Variants in CD276 observed in about 807,000 individuals in gnomAD.
CD276 encodes CD276 antigen.
CD276 carries 34 observed loss-of-function variants against 50.0 expected under a neutral mutation model. That is an observed-to-expected ratio of 0.68 (90% CI 0.52 to 0.91). CD276 has a LOEUF of 0.91. Among genes scored for constraint, CD276 ranks in the 40% least tolerant of loss-of-function variants. The pLI is 0.00. For missense variants in CD276, 634 were observed against 717.5 expected (o/e 0.88, Z 1.33); for synonymous variants, 275 against 313.0 (o/e 0.88, Z 1.28).
chr15:73,707,324 G>C (rs908762123), intron 6 of CD276, among the ~76,000 whole-genome samples: 2 of 152,346 alleles, frequency 1.3e-5, no homozygotes, highest in Admixed American at 1.3e-4. Flanking sequence ...CTGGGTGCAG[G>C]GGCTGGGCTA....
At chr15:73,694,135 C>G (rs966604581) in intron 1 of CD276, among the ~76,000 whole-genome samples, 1 of 152,162 alleles carries the variant, frequency 6.6e-6, no homozygotes, top group African/African-American at 2.4e-5. Flanking sequence ...TCAGTAGGAA[C>G]TGATCTTCCC....
intron 2 of CD276, 25 bp from the exon 3 acceptor site, chr15:73,702,230 T>A: frequency 2.6e-6 from 4 of 1,562,006 alleles, no homozygotes; most frequent in Non-Finnish European, 3.5e-6. Flanking sequence ...CCCCCTTATA[T>A]GTTCTCCACT....
Position 73,702,241 on chromosome 15 carries a change from C to T in CD276, c.80-14C>T. The T allele has an allele frequency of 6.3e-7, 1 of 1,590,234 alleles. No individual in the cohort carries two copies. Among genetic ancestry groups the T allele is most frequent in the South Asian group, 1.1e-5 (1 of 87,830 alleles). On this transcript the variant is annotated splice_polypyrimidine_tract_variant and intron_variant, in intron 2 of 9. Transcript: ENST00000318443. Reference sequence around the variant, plus strand: ...CAGTCCCCCTTATATGTTCTCCACTCCCCCTACCCCCAGGAGCCCTGGAGG... The same window carrying T: ...CAGTCCCCCTTATATGTTCTCCACTTCCCCTACCCCCAGGAGCCCTGGAGG...
Position 73,702,249 on chromosome 15 carries a change from C to G in CD276, c.80-6C>G, listed in dbSNP as rs745856794. ...CTTATATGTTCTCCACTCCCCCTACCCCCAGGAGCCCTGGAGGTCCAGGTC... is the reference window on the plus strand; with the variant it reads ...CTTATATGTTCTCCACTCCCCCTACGCCCAGGAGCCCTGGAGGTCCAGGTC... On this transcript the variant is annotated splice_region_variant and splice_polypyrimidine_tract_variant and intron_variant, in intron 2 of 9. Coordinates refer to ENST00000318443, the MANE Select transcript of CD276 (RefSeq NM_001024736.2). The G allele has an allele frequency of 1.2e-6, 2 of 1,601,216 alleles. No individual in the cohort carries two copies. Among genetic ancestry groups the G allele is most frequent in the South Asian group, 1.1e-5 (1 of 89,450 alleles).
intron 1 of CD276, among the ~76,000 whole-genome samples, chr15:73,685,879 G>A (rs1567011036): frequency 6.6e-6 from 1 of 152,134 alleles, no homozygotes; most frequent in African/African-American, 2.4e-5. Flanking sequence ...AGGATGGAGG[G>A]CTATGGGGCT....
At chr15:73,708,313 C>T in intron 6 of CD276, 26 bp from the exon 7 acceptor site, 1 of 1,611,602 alleles carries the variant, frequency 6.2e-7, no homozygotes, top group Non-Finnish European at 8.5e-7. Context: ...GCATGACAGT[C>T]TCACTGTTGC....
At chr15:73,705,676 AAAG>A (rs1420595421) in intron 6 of CD276, among the ~76,000 whole-genome samples, 1 of 152,114 alleles carries the variant, frequency 6.6e-6, no homozygotes, top group Non-Finnish European at 1.5e-5. Flanking sequence ...TCACAGGCGA[AAAG>A]AAGAAATAGA....
intron 1 of CD276, among the ~76,000 whole-genome samples, chr15:73,685,254 A>G (rs973443704): frequency 2.6e-5 from 4 of 151,996 alleles, no homozygotes; most frequent in African/African-American, 9.7e-5. Context: ...GGGGCACACT[A>G]GAAGGGAGGG....
At chr15:73,690,940 T>A (rs554054973) in intron 1 of CD276, among the ~76,000 whole-genome samples, 9 of 99,396 alleles carry the variant, frequency 9.1e-5, no homozygotes, top group Non-Finnish European at 1.3e-4. Context: ...AACAGCCCTA[T>A]GATTAACTAT....
chr15:73,712,858 C>A, intron 9 of CD276, 76 bp from the exon 10 acceptor site: 1 of 1,494,110 alleles, frequency 6.7e-7, no homozygotes, highest in Non-Finnish European at 9.3e-7. Flanking sequence ...GGGCTTCTGG[C>A]ATAATCCCAA....
intron 7 of CD276, among the ~76,000 whole-genome samples, chr15:73,709,372 G>C (rs1020408306): frequency 1.7e-4 from 26 of 151,888 alleles, no homozygotes; most frequent in African/African-American, 5.8e-4. Flanking sequence ...AGGCTGGGTG[G>C]ATGGTCTTTG....
intron 1 of CD276, among the ~76,000 whole-genome samples, chr15:73,696,044 C>T (rs1900160755): frequency 6.6e-6 from 1 of 152,232 alleles, no homozygotes; most frequent in Non-Finnish European, 1.5e-5. Context: ...CTCCCTGTGG[C>T]CCTGCTTCTG....
chr15:73,711,720 GGTTA>G (rs1900910347), intron 9 of CD276: 1 of 155,584 alleles, frequency 6.4e-6, no homozygotes. Flanking sequence ...CACAGTGGGT[GGTTA>G]GTAAATGTCC....
At chr15:73,698,598 T>G (rs1444364209) in intron 1 of CD276, among the ~76,000 whole-genome samples, 1 of 152,218 alleles carries the variant, frequency 6.6e-6, no homozygotes, top group Admixed American at 6.5e-5. Context: ...TCTGGCTCTG[T>G]CACCCAGTCT....
chr15:73,710,857 A>G (rs759429896), intron 8 of CD276, among the ~76,000 whole-genome samples: 3 of 152,260 alleles, frequency 2.0e-5, no homozygotes, highest in Non-Finnish European at 4.4e-5. Flanking sequence ...GCACTTCCGC[A>G]TCTCCAGCTG....
At position 73,713,891 on chromosome 15, in the gene CD276, G is replaced by A. The variant is rs1901017146; in HGVS notation, c.*935G>A. ...ATGTCAGCACTGTGTTAGGTGCTGG[G>A]GGCCCTGCGTGGGAAGATAAAGTTC... On this transcript the variant is annotated 3_prime_UTR_variant, in exon 10 of 10. Transcript: ENST00000318443. 1 of 389,640 alleles carries A rather than the reference G, an allele frequency of 2.6e-6. No homozygotes were observed. Among genetic ancestry groups the A allele is most frequent in the African/African-American group, 2.2e-5 (1 of 44,996 alleles). 24.1% of individuals were successfully genotyped at this position (389,640 alleles called of 1,614,324 possible). A position where few individuals can be genotyped will look rare whatever the true frequency, so the allele number is the denominator to read the frequency against.
intron 9 of CD276, 104 bp downstream of exon 9, chr15:73,711,274 C>G: frequency 8.0e-7 from 1 of 1,255,922 alleles, no homozygotes; most frequent in Non-Finnish European, 1.1e-6. Flanking sequence ...GACCTGAGGC[C>G]CCCTCTGCAG....
chr15:73,695,389 G>A (rs80307614), intron 1 of CD276, among the ~76,000 whole-genome samples: 3,125 of 152,200 alleles, frequency 0.021, 56 homozygotes, highest in Middle Eastern at 0.065. Context: ...CGGCTACCTG[G>A]GGAGCTGCTC....
intron 2 of CD276, among the ~76,000 whole-genome samples, chr15:73,701,957 C>T (rs1900407294): frequency 6.6e-6 from 1 of 152,184 alleles, no homozygotes; most frequent in Non-Finnish European, 1.5e-5. Context: ...ATACCTTAGT[C>T]ACATGCTGAC....
Sources: allele counts gnomAD v4.1 joint callset (sites outside exome capture counted in the v4.1 genomes callset), GRCh38; gene constraint gnomAD v4.1.1; transcripts MANE v1.5; gene names NCBI Gene and HGNC (gene_info 2026-07-23, HGNC 2026-07-21).